LRP5: variants seen among roughly 807,000 people sequenced by gnomAD.
The protein encoded by LRP5 is low-density lipoprotein receptor-related protein 5.
LRP5 carries 62 observed loss-of-function variants against 154.1 expected under a neutral mutation model. That is an observed-to-expected ratio of 0.40 (90% CI 0.33 to 0.50). LRP5 has a LOEUF of 0.50. LRP5 is among the 20% of genes least tolerant of loss of function. The pLI, the probability that LRP5 is intolerant of heterozygous loss-of-function variation, is 0.55. For synonymous variants in LRP5, 966 were observed against 1,011.5 expected, an observed-to-expected ratio of 0.96 and a Z score of 0.85; for missense variants, 1,915 against 2,336.7, an observed-to-expected ratio of 0.82 and a Z score of 3.72.
At chr11:68,414,707 T>G (rs1215679132) in intron 12 of LRP5, among the ~76,000 whole-genome samples, 1 of 152,224 alleles carries the variant, frequency 6.6e-6, no homozygotes, top group Non-Finnish European at 1.5e-5. Flanking sequence ...CTTGATAGTT[T>G]ATAAAGCTCT....
At chr11:68,337,561 C>T (rs760510933) in intron 1 of LRP5, among the ~76,000 whole-genome samples, 19 of 152,124 alleles carry the variant, frequency 1.2e-4, no homozygotes, top group African/African-American at 4.3e-4. Flanking sequence ...AGTCTACCCA[C>T]AGCCAGGTCT....
chr11:68,354,463 T>TC (rs973779309), intron 2 of LRP5, among the ~76,000 whole-genome samples: 33 of 152,106 alleles, frequency 2.2e-4, no homozygotes, highest in African/African-American at 7.7e-4. Context: ...CTGTGTGGAT[T>TC]CCCCCCCAAG....
At chr11:68,392,112 G>A (rs2098646671) in intron 7 of LRP5, among the ~76,000 whole-genome samples, 1 of 152,192 alleles carries the variant, frequency 6.6e-6, no homozygotes, top group Non-Finnish European at 1.5e-5. Flanking sequence ...GCCTCCCAAA[G>A]TGCTGGGATG....
rs760548029 is a variant in LRP5, at chr11:68,357,768, G to A, written c.607G>A (p.Asp203Asn). Residue 203 changes from aspartate to asparagine, a missense_variant, in exon 3 of 23, where the codon GAC (aspartate) becomes AAC (asparagine). Asp to Asn is a conservative substitution (Grantham distance 23). Coordinates refer to ENST00000294304, the MANE Select transcript of LRP5 (RefSeq NM_002335.4). ...TTACTGGCCCAATGGACTGACCATCGACCTGGAGGAGCAGAAGCTCTACTG... is the reference window on the plus strand; with the variant it reads ...TTACTGGCCCAATGGACTGACCATCAACCTGGAGGAGCAGAAGCTCTACTG... Reference protein sequence around the residue: ...DIYWPNGLTIDLEEQKLYWAD... With the variant: ...DIYWPNGLTINLEEQKLYWAD... The A allele has an allele frequency of 1.9e-6, 3 of 1,613,950 alleles. No homozygotes were observed. Among genetic ancestry groups the A allele is most frequent in the East Asian group, 2.2e-5 (1 of 44,892 alleles).
chr11:68,386,509 C>G lies in LRP5; in HGVS notation c.1209C>G (p.Asp403Glu). 2 of 1,614,070 alleles carry G rather than the reference C, an allele frequency of 1.2e-6. No homozygotes were observed. Among genetic ancestry groups the G allele is most frequent in the Non-Finnish European group, 1.7e-6 (2 of 1,179,996 alleles). Residue 403 changes from aspartate (D) to glutamate (E), a missense_variant, in exon 6 of 23, where the codon GAC becomes GAG. By Grantham distance (45) the Asp-to-Glu change is conservative. Around this residue, in one of 3 missense-constraint regions of LRP5, gnomAD observed 773 missense variants for 1,100.9 expected, o/e 0.70. Transcript: ENST00000294304. This position sits in a 1 kb window ranked among gnomAD's most constrained non-coding sequence, Gnocchi z 7.9. ...EVRAIRRAYL[D>E]GSGAQTLVNT... ...GGGCCATCCGCAGGGCGTACCTGGA[C>G]GGGTCTGGGGCGCAGACGCTGGTCA...
At position 68,413,993 on chromosome 11, in the gene LRP5, C is replaced by T. The variant is rs1450831341; in HGVS notation, c.2808C>T (p.Pro936=). 3 of 1,604,052 alleles carry T rather than the reference C, an allele frequency of 1.9e-6. No individual in the cohort carries two copies. The highest frequency in any genetic ancestry group is 2.5e-6 in the Non-Finnish European group (3 of 1,179,734). Residue 936 remains proline, a synonymous_variant, in exon 12 of 23, where the codon CCC becomes CCT. Transcript: ENST00000294304. The surrounding 1 kb of genome is among the most constrained non-coding windows in gnomAD (Gnocchi z 5.1). The part of the protein sequence containing the change: ...CGCASHYTLD[P]SSRNCSPPTT... ...GCGCCTCACACTACACCCTGGACCCCAGCAGCCGCAACTGCAGCCGTAAGT... is the reference window on the plus strand; with the variant it reads ...GCGCCTCACACTACACCCTGGACCCTAGCAGCCGCAACTGCAGCCGTAAGT...
chr11:68,358,097 C>A (rs1056289503), intron 3 of LRP5, among the ~76,000 whole-genome samples: 18 of 151,990 alleles, frequency 1.2e-4, no homozygotes, highest in Non-Finnish European at 5.9e-5. Context: ...TAGCCCACAC[C>A]CATGCACAGT....
intron 7 of LRP5, among the ~76,000 whole-genome samples, chr11:68,397,621 G>A (rs190820510): frequency 1.9e-4 from 28 of 150,734 alleles, no homozygotes; most frequent in South Asian, 4.3e-4. Context: ...GGGTCTGTGC[G>A]CTCGGTTGGC....
chr11:68,358,471 C>T (rs1255624238), intron 3 of LRP5, among the ~76,000 whole-genome samples: 2 of 152,156 alleles, frequency 1.3e-5, no homozygotes, highest in Non-Finnish European at 2.9e-5. Context: ...ATCTTCAGAG[C>T]GTTTTGGATT....
chr11:68,431,905 T>C (rs971925592), intron 17 of LRP5, among the ~76,000 whole-genome samples: 9 of 152,052 alleles, frequency 5.9e-5, no homozygotes, highest in Non-Finnish European at 1.3e-4. Flanking sequence ...GCTCGGGAAC[T>C]CCAGGCCCCT....
chr11:68,388,213 G>A (rs984154054), intron 6 of LRP5, among the ~76,000 whole-genome samples: 1 of 152,138 alleles, frequency 6.6e-6, no homozygotes, highest in Non-Finnish European at 1.5e-5. Flanking sequence ...GGGGTCCCCA[G>A]GGGCTTTAGC....
intron 5 of LRP5, among the ~76,000 whole-genome samples, chr11:68,381,922 G>T (rs931693704): frequency 1.3e-5 from 2 of 152,332 alleles, no homozygotes; most frequent in African/African-American, 4.8e-5. Flanking sequence ...CAGGGCTGTG[G>T]CGGAGCCCAG....
At chr11:68,387,270 G>A (rs1219613913) in intron 6 of LRP5, among the ~76,000 whole-genome samples, 1 of 152,068 alleles carries the variant, frequency 6.6e-6, no homozygotes, top group Non-Finnish European at 1.5e-5. Flanking sequence ...GCCTGCCACT[G>A]TGCTTGGCTA....
At chr11:68,406,354 T>C (rs2098655625) in intron 8 of LRP5, among the ~76,000 whole-genome samples, 170 bp from the exon 9 acceptor site, 1 of 152,140 alleles carries the variant, frequency 6.6e-6, no homozygotes, top group Non-Finnish European at 1.5e-5. Flanking sequence ...TGTTTGAGGG[T>C]TTAGCCTGGC....
At chr11:68,443,663 C>T (rs1482991652) in intron 21 of LRP5, among the ~76,000 whole-genome samples, 1 of 136,366 alleles carries the variant, frequency 7.3e-6, no homozygotes, top group African/African-American at 2.9e-5. Context: ...CACACTCTCT[C>T]TCTTTTTTTT....
intron 13 of LRP5, among the ~76,000 whole-genome samples, chr11:68,420,952 C>T (rs759439960): frequency 1.8e-4 from 28 of 152,082 alleles, no homozygotes; most frequent in Non-Finnish European, 2.4e-4. Flanking sequence ...AGGGGCCGGG[C>T]GCGGTGGCTC....
chr11:68,438,859 C>T (rs1002832684), intron 20 of LRP5, among the ~76,000 whole-genome samples, 177 bp downstream of exon 20: 7 of 152,240 alleles, frequency 4.6e-5, no homozygotes, highest in Non-Finnish European at 7.3e-5. Context: ...CAGAATCCTT[C>T]AACACAGAGG....
intron 1 of LRP5, among the ~76,000 whole-genome samples, chr11:68,329,409 A>G (rs2098601502): frequency 6.6e-6 from 1 of 152,234 alleles, no homozygotes; most frequent in South Asian, 2.1e-4. Flanking sequence ...TAACTTGCTC[A>G]AATTTGGTAT....
chr11:68,410,389 T>C (rs529622017), intron 10 of LRP5, among the ~76,000 whole-genome samples: 5 of 152,266 alleles, frequency 3.3e-5, no homozygotes, highest in African/African-American at 9.6e-5. Context: ...CTCACCGAAG[T>C]GTCCATGGAG....
Sources: allele counts gnomAD v4.1 joint callset (sites outside exome capture counted in the v4.1 genomes callset), GRCh38; gene constraint gnomAD v4.1.1; regional missense constraint gnomAD v4.1.1; non-coding constraint Gnocchi (gnomAD v3.1); transcripts MANE v1.5; gene names NCBI Gene and HGNC (gene_info 2026-07-23, HGNC 2026-07-21).